The following ITGA6 variants were observed in gnomAD, a reference collection of about 807,000 sequenced individuals.
The protein encoded by ITGA6 is integrin subunit alpha 6.
ITGA6 carries 63 observed loss-of-function variants against 133.6 expected under a neutral mutation model. The ratio of observed to expected loss-of-function variants is 0.47; its 90% CI spans 0.38 to 0.58. The LOEUF (loss-of-function observed/expected upper bound fraction) is 0.58. ITGA6 is among the 20% of genes least tolerant of loss of function. ITGA6 has a pLI of 0.00. For synonymous variants in ITGA6, 434 were observed against 482.0 expected (o/e 0.90, Z 1.30); for missense variants, 1,068 against 1,309.4 (o/e 0.82, Z 2.85).
At chr2:172,492,440 G>C (rs1300325685) in intron 23 of ITGA6, among the ~76,000 whole-genome samples, 1 of 152,176 alleles carries the variant, frequency 6.6e-6, no homozygotes, top group Non-Finnish European at 1.5e-5. Context: ...TATGTGATTT[G>C]CTTTGGGTCC....
chr2:172,478,532 G>A (rs1686280438), intron 9 of ITGA6, among the ~76,000 whole-genome samples: 2 of 152,144 alleles, frequency 1.3e-5, no homozygotes, highest in Admixed American at 1.3e-4. Context: ...TGCATTTCTT[G>A]TGCCTGTGGC....
chr2:172,504,249 A>C lies in ITGA6; in HGVS notation c.*181A>C. 6.4e-7 allele frequency: 1 copy of C among 1,552,882 alleles called. No homozygotes were observed. The highest frequency in any genetic ancestry group is 1.2e-5 in the South Asian group (1 of 81,172). On this transcript the variant is annotated 3_prime_UTR_variant, in exon 26 of 26. Coordinates refer to ENST00000684293, the MANE Select transcript of ITGA6 (RefSeq NM_000210.4). ...AGTGGAACGAAAATGAAAGCTACTC[A>C]TAGCGGGGGCCTAAAAAAAAAAAGC...
At chr2:172,431,750 C>A (rs148339452) in intron 1 of ITGA6, among the ~76,000 whole-genome samples, 1 of 152,176 alleles carries the variant, frequency 6.6e-6, no homozygotes, top group Non-Finnish European at 1.5e-5. Flanking sequence ...GCGAGACTTA[C>A]AGGAAGTCTT....
At position 172,469,319 on chromosome 2, in the gene ITGA6, T is replaced by C. The variant is rs751887304; in HGVS notation, c.582T>C (p.Ala194=). The C allele has an allele frequency of 2.5e-6, 4 of 1,614,040 alleles. No homozygotes were observed. Among genetic ancestry groups the C allele is most frequent in the African/African-American group, 2.7e-5 (2 of 74,924 alleles). ...KFGSCQQGVA[A]TFTKDFHYIV... is the part of the protein sequence containing the mutation. ...GCTCTTGCCAGCAAGGTGTAGCAGCTACTTTTACTAAAGACTTTCATTACA... is the reference window on the plus strand; with the variant it reads ...GCTCTTGCCAGCAAGGTGTAGCAGCCACTTTTACTAAAGACTTTCATTACA... Residue 194 remains alanine, a synonymous_variant, in exon 4 of 26, where the codon GCT becomes GCC. Coordinates refer to ENST00000684293, the MANE Select transcript of ITGA6 (RefSeq NM_000210.4).
chr2:172,486,660 A>G (rs1260086749), intron 13 of ITGA6, among the ~76,000 whole-genome samples: 1 of 152,196 alleles, frequency 6.6e-6, no homozygotes, highest in East Asian at 1.9e-4. Context: ...TAGTAGCCCT[A>G]TAAAGTTAGA....
intron 1 of ITGA6, among the ~76,000 whole-genome samples, chr2:172,431,447 C>A (rs1004999497): frequency 7.2e-5 from 11 of 152,218 alleles, no homozygotes; most frequent in South Asian, 4.1e-4. Flanking sequence ...TAGGTCAGGG[C>A]TATCTATTTA....
intron 23 of ITGA6, among the ~76,000 whole-genome samples, chr2:172,492,836 G>A (rs1160674905): frequency 6.6e-6 from 1 of 152,316 alleles, no homozygotes; most frequent in South Asian, 2.1e-4. Context: ...AATTCAGGGA[G>A]CCTCCCTAAT....
chr2:172,486,066 C>T (rs1434949019), intron 13 of ITGA6, among the ~76,000 whole-genome samples: 1 of 149,948 alleles, frequency 6.7e-6, no homozygotes, highest in African/African-American at 2.5e-5. Context: ...ATCACAGCTA[C>T]TCAGGAGGCT....
rs1455718970 is a variant in ITGA6 at position 172,465,554 on chromosome 2, C to G, written c.198C>G (p.Ala66=). 1.2e-6 allele frequency: 2 copies of G among 1,614,094 alleles called. No individual in the cohort carries two copies. Among genetic ancestry groups the G allele is most frequent in the East Asian group, 2.2e-5 (1 of 44,894 alleles). The change falls in exon 2 of 26, where the codon GCC becomes GCG. Residue 66 remains alanine, a synonymous_variant. Transcript: ENST00000684293. ...TCATCAACAGGTTGCTCGTGGGGGCCCCGCGGGCAGAAGCGCTTCCACTGC... is the reference window on the plus strand; with the variant it reads ...TCATCAACAGGTTGCTCGTGGGGGCGCCGCGGGCAGAAGCGCTTCCACTGC... ...PEDKRLLLVG[A]PRAEALPLQR...
Position 172,475,669 on chromosome 2 carries a change from A to G in ITGA6, c.1253A>G (p.Asn418Ser). 4 of 1,595,576 alleles carry G rather than the reference A, an allele frequency of 2.5e-6. No individual in the cohort carries two copies. Among genetic ancestry groups the G allele is most frequent in the Non-Finnish European group, 3.4e-6 (4 of 1,163,184 alleles). Reference protein sequence around the residue: ...FIYHGSANGINTKPTQVLKGI... With the variant: ...FIYHGSANGISTKPTQVLKGI... ...TATCATGGATCTGCAAATGGAATAA[A>G]TACCAAACCAACACAGGTAACCAAA... Residue 418 changes from asparagine to serine, a missense_variant, in exon 8 of 26, where the codon AAT becomes AGT. This residue lies in a region of ITGA6 where 317 missense variants were observed against 456.9 expected (regional missense o/e 0.69). Transcript: ENST00000684293.
chr2:172,481,910 C>G (rs1257915935), intron 11 of ITGA6, among the ~76,000 whole-genome samples: 2 of 152,228 alleles, frequency 1.3e-5, no homozygotes, highest in African/African-American at 4.8e-5. Flanking sequence ...ATACCTTACA[C>G]TAGCCCACTT....
chr2:172,440,226 C>T (rs757733883), intron 1 of ITGA6, among the ~76,000 whole-genome samples: 2 of 152,146 alleles, frequency 1.3e-5, no homozygotes, highest in African/African-American at 2.4e-5. Flanking sequence ...ACAAGGCTGA[C>T]ATCTTGTTCA....
At chr2:172,435,952 A>T (rs1684305482) in intron 1 of ITGA6, among the ~76,000 whole-genome samples, 2 of 152,142 alleles carry the variant, frequency 1.3e-5, no homozygotes, top group Admixed American at 6.5e-5. Flanking sequence ...AAAAAGGAAG[A>T]GTTCAAAGAG....
intron 1 of ITGA6, among the ~76,000 whole-genome samples, chr2:172,446,228 C>G (rs1413753448): frequency 1.3e-5 from 2 of 152,058 alleles, no homozygotes; most frequent in African/African-American, 4.8e-5. Context: ...GTATGGTGAC[C>G]CACCAGGTGT....
chr2:172,470,617 G>T (rs924082324), intron 4 of ITGA6, among the ~76,000 whole-genome samples: 1 of 152,144 alleles, frequency 6.6e-6, no homozygotes, highest in East Asian at 1.9e-4. Flanking sequence ...ACAAATTGAG[G>T]CAGGATTACA....
In ITGA6 at chr2:172,504,337, A is replaced by G. The variant is rs917691125; in HGVS notation, c.*269A>G. ...TCAATTTGGATTTAAAAGCCTGCTC[A>G]ATCCCTGAGGACTGATTTCAGAGTG... On this transcript the variant is annotated 3_prime_UTR_variant, in exon 26 of 26. Coordinates refer to ENST00000684293, the MANE Select transcript of ITGA6 (RefSeq NM_000210.4). 1.9e-6 allele frequency: 2 copies of G among 1,031,416 alleles called. No homozygotes were observed. The highest frequency in any genetic ancestry group is 2.6e-5 in the East Asian group (1 of 38,592). 63.9% of individuals were successfully genotyped at this position (1,031,416 alleles called of 1,614,324 possible).
intron 1 of ITGA6, among the ~76,000 whole-genome samples, chr2:172,431,750 C>G (rs148339452): frequency 6.6e-6 from 1 of 152,176 alleles, no homozygotes. Context: ...GCGAGACTTA[C>G]AGGAAGTCTT....
intron 23 of ITGA6, 96 bp from the exon 24 acceptor site, chr2:172,497,879 C>A: frequency 7.3e-7 from 1 of 1,373,466 alleles, no homozygotes; most frequent in Non-Finnish European, 1.0e-6. Context: ...GCTGCATTGT[C>A]CAAAATATAT....
chr2:172,445,119 C>T (rs1475601956), intron 1 of ITGA6, among the ~76,000 whole-genome samples: 1 of 151,592 alleles, frequency 6.6e-6, no homozygotes, highest in African/African-American at 2.4e-5. Context: ...GCGCCCACCA[C>T]CATGCCTGGC....
Sources: gnomAD v4.1 joint callset for allele counts (sites outside exome capture counted in the v4.1 genomes callset) on GRCh38, gnomAD v4.1.1 for gene constraint, gnomAD v4.1.1 regional missense constraint, MANE v1.5 for transcripts, NCBI Gene and HGNC (gene_info 2026-07-23, HGNC 2026-07-21) for gene names.